The following SLC30A6 variants were observed in gnomAD, a reference collection of about 807,000 sequenced individuals.
SLC30A6 encodes solute carrier family 30 member 6, also known as zinc transporter 6.
Under a neutral mutation model 63.0 loss-of-function variants are expected in SLC30A6, and 55 were observed. The observed-to-expected ratio is 0.87, with a 90% confidence interval of 0.70 to 1.09. The LOEUF is 1.09. SLC30A6 is among the 50% of genes least tolerant of loss of function. SLC30A6 has a pLI of 0.00. For missense variants in SLC30A6, 587 were observed against 549.2 expected, an observed-to-expected ratio of 1.07 and a Z score of -0.69; for synonymous variants, 224 against 186.1, an observed-to-expected ratio of 1.20 and a Z score of -1.66.
intron 5 of SLC30A6, among the ~76,000 whole-genome samples, chr2:32,188,541 A>G (rs1274365750): frequency 2.0e-5 from 3 of 152,128 alleles, no homozygotes; most frequent in Non-Finnish European, 2.9e-5. Flanking sequence ...TAAAAATACA[A>G]AAATTCGCCA....
chr2:32,173,337 C>T (rs1681403964), intron 2 of SLC30A6, among the ~76,000 whole-genome samples: 1 of 151,936 alleles, frequency 6.6e-6, no homozygotes, highest in Admixed American at 6.6e-5. Context: ...CCTTATTTCT[C>T]ACCTTACTTG....
At chr2:32,202,015 A>G (rs554802168) in intron 10 of SLC30A6, 27 of 1,155,538 alleles carry the variant, frequency 2.3e-5, no homozygotes, top group Admixed American at 1.4e-4. Flanking sequence ...TGAGATATTG[A>G]TGAATATGAA....
intron 9 of SLC30A6, 27 bp downstream of exon 9, chr2:32,197,419 T>C (rs1223315457): frequency 3.1e-6 from 5 of 1,595,916 alleles, no homozygotes; most frequent in East Asian, 4.5e-5. Flanking sequence ...TTTCATGATA[T>C]GCATAATTTA....
At chr2:32,219,947 C>A (rs1293765992) in intron 13 of SLC30A6, among the ~76,000 whole-genome samples, 2 of 152,054 alleles carry the variant, frequency 1.3e-5, no homozygotes, top group African/African-American at 4.8e-5. Flanking sequence ...TTGTATGTTT[C>A]ATTTATATTC....
intron 1 of SLC30A6, among the ~76,000 whole-genome samples, chr2:32,167,720 C>T (rs991871585): frequency 1.3e-5 from 2 of 152,032 alleles, no homozygotes. Context: ...CGAATACATA[C>T]AATAGAAACT....
At chr2:32,203,570 C>A (rs1196098717) in intron 10 of SLC30A6, 1 of 1,600,754 alleles carries the variant, frequency 6.2e-7, no homozygotes, top group East Asian at 2.2e-5. Flanking sequence ...GTGACCATGA[C>A]TCTGGAAAGC....
intron 1 of SLC30A6, among the ~76,000 whole-genome samples, chr2:32,166,835 G>C (rs1223578416): frequency 6.6e-6 from 1 of 152,168 alleles, no homozygotes; most frequent in East Asian, 1.9e-4. Flanking sequence ...TTTGCACACA[G>C]AAAATGGGTA....
At chr2:32,201,847 G>T in intron 10 of SLC30A6, 1 of 1,437,132 alleles carries the variant, frequency 7.0e-7, no homozygotes, top group South Asian at 1.2e-5. Context: ...TGAGAAATCA[G>T]AAACAAGAGA....
rs558703144 is a variant in SLC30A6, at chr2:32,184,937, G to T, written c.284+599G>T. 1.1e-4 allele frequency among the ~76,000 whole-genome samples: 16 copies of T among 152,258 alleles called. No individual in the cohort carries two copies. In the South Asian group the frequency reaches 3.3e-3, roughly 32 times the overall value. On this transcript the variant is annotated intron_variant, in intron 5 of 13. Transcript: ENST00000282587. ...TTATTTTAGCAAGAGCAAGTACAAA[G>T]GATTTTCATGTTAGTGTATCTTCTA...
At chr2:32,180,150 C>G (rs551768129) in intron 4 of SLC30A6, among the ~76,000 whole-genome samples, 1 of 151,976 alleles carries the variant, frequency 6.6e-6, no homozygotes, top group East Asian at 1.9e-4. Context: ...GCCTGTAATC[C>G]CAGCACTTTG....
Position 32,222,082 on chromosome 2 carries a change from T to C in SLC30A6, c.*1369T>C, listed in dbSNP as rs1686174113. ...TAGGTCTGCAGTGGGCAGTTTCTTTTTGTTTTGCTTTGTCAAAAATGGGAA... is the reference window on the plus strand; with the variant it reads ...TAGGTCTGCAGTGGGCAGTTTCTTTCTGTTTTGCTTTGTCAAAAATGGGAA... On this transcript the variant is annotated 3_prime_UTR_variant, in exon 14 of 14. Coordinates refer to ENST00000282587, the MANE Select transcript of SLC30A6 (RefSeq NM_017964.5). The C allele has an allele frequency of 1.3e-5, 2 of 152,214 alleles. No individual in the cohort carries two copies. Among genetic ancestry groups the C allele is most frequent in the African/African-American group, 4.8e-5 (2 of 41,456 alleles). The allele number at this position is 152,214 out of a possible 1,614,324, so 9.4% of individuals were successfully genotyped here. A position where few individuals can be genotyped will look rare whatever the true frequency, so the allele number is the denominator to read the frequency against.
At chr2:32,218,062 G>T (rs1010285129) in intron 13 of SLC30A6, among the ~76,000 whole-genome samples, 4 of 151,734 alleles carry the variant, frequency 2.6e-5, no homozygotes, top group African/African-American at 9.7e-5. Flanking sequence ...TCAGGCTGGG[G>T]GAGTCTGTGT....
chr2:32,211,234 C>G (rs1474233596), intron 13 of SLC30A6, among the ~76,000 whole-genome samples: 1 of 152,214 alleles, frequency 6.6e-6, no homozygotes. Context: ...CATCGAATAA[C>G]CTAGTGGGGG....
chr2:32,194,229 G>A (rs886405464), intron 8 of SLC30A6, among the ~76,000 whole-genome samples: 1 of 152,132 alleles, frequency 6.6e-6, no homozygotes, highest in Non-Finnish European at 1.5e-5. Context: ...ATCATGTGGT[G>A]ATGAAAAATT....
intron 1 of SLC30A6, among the ~76,000 whole-genome samples, chr2:32,169,268 A>G (rs1680963775): frequency 6.6e-6 from 1 of 152,112 alleles, no homozygotes; most frequent in African/African-American, 2.4e-5. Flanking sequence ...TCCCGGGCTC[A>G]TGCGATCCTT....
chr2:32,173,906 GA>G (rs1162429260), intron 2 of SLC30A6, among the ~76,000 whole-genome samples, 156 bp from the exon 3 acceptor site: 1 of 152,126 alleles, frequency 6.6e-6, no homozygotes, highest in Non-Finnish European at 1.5e-5. Flanking sequence ...TAACTTAGCC[GA>G]TGACAATTTT....
intron 5 of SLC30A6, among the ~76,000 whole-genome samples, chr2:32,189,762 C>A (rs1683165111): frequency 6.6e-6 from 1 of 151,698 alleles, no homozygotes; most frequent in Admixed American, 6.6e-5. Context: ...GCACATCCCA[C>A]CATGCCTGGC....
At chr2:32,203,328 C>A in intron 10 of SLC30A6, 1 of 924,374 alleles carries the variant, frequency 1.1e-6, no homozygotes, top group Non-Finnish European at 1.8e-6. Flanking sequence ...GTAGGAATTA[C>A]TTTTAAATGT....
At chr2:32,216,284 C>T (rs557726935) in intron 13 of SLC30A6, among the ~76,000 whole-genome samples, 34 of 152,166 alleles carry the variant, frequency 2.2e-4, no homozygotes, top group African/African-American at 7.7e-4. Flanking sequence ...GCCTGTAATC[C>T]CAGCACTTTG....
Sources: allele counts gnomAD v4.1 joint callset (sites outside exome capture counted in the v4.1 genomes callset), GRCh38; gene constraint gnomAD v4.1.1; transcripts MANE v1.5; gene names NCBI Gene and HGNC (gene_info 2026-07-23, HGNC 2026-07-21).